Variants in VRK1 observed in about 807,000 individuals in gnomAD.
The protein encoded by VRK1 is VRK serine/threonine kinase 1.
VRK1 carries 33 observed loss-of-function variants against 57.1 expected under a neutral mutation model. The observed-to-expected ratio is 0.58, with a 90% confidence interval of 0.44 to 0.77. VRK1 has a LOEUF of 0.77. Ranked by LOEUF, VRK1 falls within the 30% of genes least tolerant of loss-of-function variation. VRK1 has a pLI of 0.00. For synonymous variants in VRK1, 137 were observed against 147.8 expected, an observed-to-expected ratio of 0.93 and a Z score of 0.53; for missense variants, 413 against 477.3, an observed-to-expected ratio of 0.87 and a Z score of 1.25.
intron 1 of VRK1, among the ~76,000 whole-genome samples, chr14:96,821,781 C>T (rs1261338241): frequency 1.3e-5 from 2 of 152,160 alleles, no homozygotes; most frequent in Non-Finnish European, 2.9e-5. Flanking sequence ...ATGTTCTCCA[C>T]CTCTGTGCTT....
intron 7 of VRK1, 109 bp from the exon 8 acceptor site, chr14:96,855,115 C>T (rs184271478): frequency 6.2e-5 from 94 of 1,512,700 alleles, no homozygotes; most frequent in Non-Finnish European, 8.0e-5. Flanking sequence ...ATGGAATGAC[C>T]TTGTAGGTGA....
At chr14:96,832,133 A>G (rs1213424982) in intron 1 of VRK1, among the ~76,000 whole-genome samples, 1 of 152,110 alleles carries the variant, frequency 6.6e-6, no homozygotes, top group Non-Finnish European at 1.5e-5. Flanking sequence ...AAAAGTCCCC[A>G]GTAAATTAAT....
rs1777576462 is a variant in VRK1, at chr14:96,837,212, ACTT to A, written c.161-546_161-544del. On this transcript the variant is annotated intron_variant, in intron 2 of 12. Transcript: ENST00000216639. ...TAACTCAGTATTCTGGGGCAACTGT[ACTT>A]CTTTATTTACATGAAATAAAATGAT... 3.3e-5 allele frequency among the ~76,000 whole-genome samples: 5 copies of A among 152,302 alleles called. No individual in the cohort carries two copies. In the South Asian group the frequency reaches 6.2e-4, roughly 19 times the overall value.
At chr14:96,799,356 A>T (rs1939878330) in intron 1 of VRK1, among the ~76,000 whole-genome samples, 1 of 152,192 alleles carries the variant, frequency 6.6e-6, no homozygotes, top group South Asian at 2.1e-4. Flanking sequence ...AACTAATGTG[A>T]AATAATAATA....
intron 5 of VRK1, among the ~76,000 whole-genome samples, chr14:96,848,381 A>G (rs1006680914): frequency 5.3e-5 from 8 of 152,152 alleles, no homozygotes; most frequent in South Asian, 4.1e-4. Flanking sequence ...TACTTAAACC[A>G]TTGACTGGCA....
At chr14:96,835,214 G>T (rs565284141) in intron 2 of VRK1, among the ~76,000 whole-genome samples, 8 of 152,154 alleles carry the variant, frequency 5.3e-5, no homozygotes, top group Non-Finnish European at 1.2e-4. Context: ...CCAGATTCAA[G>T]ATCATCAGCA....
chr14:96,810,321 A>G (rs903693767), intron 1 of VRK1, among the ~76,000 whole-genome samples: 1 of 152,190 alleles, frequency 6.6e-6, no homozygotes, highest in Non-Finnish European at 1.5e-5. Context: ...CTGAATTTTA[A>G]TCAATTCCAA....
chr14:96,872,057 G>A (rs1888842768), intron 11 of VRK1, among the ~76,000 whole-genome samples: 1 of 152,100 alleles, frequency 6.6e-6, no homozygotes, highest in Admixed American at 6.5e-5. Context: ...CACCCACCTA[G>A]GCCTCCCAAA....
intron 12 of VRK1, among the ~76,000 whole-genome samples, chr14:96,876,911 G>T (rs1402146509): frequency 6.6e-6 from 1 of 152,098 alleles, no homozygotes; most frequent in Non-Finnish European, 1.5e-5. Flanking sequence ...ATCTGCAAAG[G>T]GCAGAGCTAG....
At chr14:96,878,181 T>C (rs1173307385) in intron 12 of VRK1, among the ~76,000 whole-genome samples, 1 of 152,184 alleles carries the variant, frequency 6.6e-6, no homozygotes, top group Non-Finnish European at 1.5e-5. Flanking sequence ...GAGAGAAATA[T>C]TATCTGATGG....
At chr14:96,833,704 A>G in intron 2 of VRK1, 73 bp downstream of exon 2, 2 of 1,598,404 alleles carry the variant, frequency 1.3e-6, no homozygotes, top group Non-Finnish European at 8.6e-7. Context: ...TTTCTCATTT[A>G]TGAGCTGTTA....
chr14:96,829,762 A>G (rs183444527), intron 1 of VRK1, among the ~76,000 whole-genome samples: 2 of 152,248 alleles, frequency 1.3e-5, no homozygotes, highest in African/African-American at 4.8e-5. Context: ...TACTATATCT[A>G]CAGTGTCAGT....
At chr14:96,822,538 A>G (rs932721811) in intron 1 of VRK1, among the ~76,000 whole-genome samples, 1 of 152,228 alleles carries the variant, frequency 6.6e-6, no homozygotes, top group Non-Finnish European at 1.5e-5. Flanking sequence ...TCGTGAGGTG[A>G]CTTGTGACAG....
chr14:96,813,680 G>T (rs1228641655), intron 1 of VRK1, among the ~76,000 whole-genome samples: 1 of 152,074 alleles, frequency 6.6e-6, no homozygotes, highest in African/African-American at 2.4e-5. Context: ...GTGTGAGTAT[G>T]TTTAGGTTTG....
chr14:96,828,655 A>T (rs1244109829), intron 1 of VRK1, among the ~76,000 whole-genome samples: 2 of 133,730 alleles, frequency 1.5e-5, no homozygotes. Flanking sequence ...CAGCACACTA[A>T]AAAAATTATA....
At chr14:96,822,619 T>A (rs1440752169) in intron 1 of VRK1, among the ~76,000 whole-genome samples, 1 of 152,214 alleles carries the variant, frequency 6.6e-6, no homozygotes, top group East Asian at 1.9e-4. Context: ...GAATGTATTT[T>A]TAGAATGGAC....
At chr14:96,855,834 C>G (rs554560411) in intron 8 of VRK1, among the ~76,000 whole-genome samples, 2 of 152,278 alleles carry the variant, frequency 1.3e-5, no homozygotes, top group South Asian at 4.1e-4. Context: ...TTAAGAATAT[C>G]TTCAAGTTTT....
chr14:96,876,592 T>A (rs759589300), intron 12 of VRK1, among the ~76,000 whole-genome samples: 20 of 152,266 alleles, frequency 1.3e-4, no homozygotes, highest in Admixed American at 6.5e-4. Flanking sequence ...TCTTTCCACT[T>A]CCTCACACTG....
intron 12 of VRK1, among the ~76,000 whole-genome samples, chr14:96,880,769 A>T (rs61481986): frequency 6.6e-6 from 1 of 152,160 alleles, no homozygotes; most frequent in Non-Finnish European, 1.5e-5. Context: ...TTTTCATAAC[A>T]TGTGTGACCT....
Sources: allele counts gnomAD v4.1 joint callset (sites outside exome capture counted in the v4.1 genomes callset), GRCh38; gene constraint gnomAD v4.1.1; transcripts MANE v1.5; gene names NCBI Gene and HGNC (gene_info 2026-07-23, HGNC 2026-07-21).